GRB10: variants seen among roughly 807,000 people sequenced by gnomAD.
The protein encoded by GRB10 is growth factor receptor-bound protein 10.
GRB10 carries 20 observed loss-of-function variants against 80.9 expected under a neutral mutation model. The observed-to-expected ratio is 0.25, with a 90% CI of 0.17 to 0.36. The LOEUF is 0.36. Among genes scored for constraint, GRB10 ranks in the 10% least tolerant of loss-of-function variants. The probability of loss-of-function intolerance (pLI) is 1.00; values close to 1 mark genes in which losing one functional copy is unlikely to be tolerated. For missense variants in GRB10, 548 were observed against 747.7 expected (o/e 0.73, Z 3.12); for synonymous variants, 291 against 291.5 (o/e 1.00, Z 0.02).
At chr7:50,660,164 G>A (rs889978405) in intron 7 of GRB10, among the ~76,000 whole-genome samples, 2 of 152,178 alleles carry the variant, frequency 1.3e-5, no homozygotes, top group African/African-American at 2.4e-5. Flanking sequence ...GCACAGCTGC[G>A]GTGCCGTGTT....
At chr7:50,688,652 T>C (rs1431768234) in intron 5 of GRB10, among the ~76,000 whole-genome samples, 1 of 151,750 alleles carries the variant, frequency 6.6e-6, no homozygotes, top group Non-Finnish European at 1.5e-5. Context: ...GACTCACTCC[T>C]AGGCCACTGA....
intron 2 of GRB10, among the ~76,000 whole-genome samples, chr7:50,775,433 G>A (rs1331073833): frequency 6.6e-6 from 1 of 152,136 alleles, no homozygotes; most frequent in African/African-American, 2.4e-5. Flanking sequence ...GCTCTCACAG[G>A]TTGCAGTTGG....
chr7:50,785,326 C>A (rs758167584), upstream of GRB10, among the ~76,000 whole-genome samples: 15 of 152,216 alleles, frequency 9.9e-5, no homozygotes, highest in Non-Finnish European at 2.1e-4. Flanking sequence ...AAGATGTGGC[C>A]AAATTGCATG....
intron 2 of GRB10, among the ~76,000 whole-genome samples, chr7:50,762,761 A>C (rs1016956217): frequency 3.9e-5 from 6 of 152,230 alleles, no homozygotes; most frequent in African/African-American, 1.4e-4. Flanking sequence ...TTCTCAACCT[A>C]GAAGCCATGA....
chr7:50,782,000 T>A (rs551460316), intron 1 of GRB10, among the ~76,000 whole-genome samples: 1 of 152,310 alleles, frequency 6.6e-6, no homozygotes, highest in African/African-American at 2.4e-5. Context: ...ATTATGTTTT[T>A]CACAGAAAAA....
At chr7:50,658,447 C>T (rs2237457) in intron 7 of GRB10, among the ~76,000 whole-genome samples, 40,732 of 152,104 alleles carry the variant, frequency 0.27, 6,679 homozygotes, top group East Asian at 0.49. Context: ...GCAAAATAGG[C>T]GGTCTCTGTG....
chr7:50,774,201 G>C lies in GRB10; in HGVS notation c.-217+6426C>G, dbSNP rs189706567. Among the ~76,000 whole-genome samples, 42 of 152,320 alleles carry C rather than the reference G, an allele frequency of 2.8e-4. No homozygotes were observed. In the East Asian group the frequency reaches 7.9e-3, roughly 29 times the overall value. The stretch of plus-strand genomic sequence containing the variant: ...TTCCTTAGGGTTGGGAAAGCAGGGG[G>C]AGCAATGGGATGGCAGGGAGTGGGG... On this transcript the variant is annotated intron_variant, in intron 2 of 18. Transcript: ENST00000401949.
At chr7:50,785,771 CACAA>C (rs758370154), upstream of GRB10, among the ~76,000 whole-genome samples, 82 of 152,310 alleles carry the variant, frequency 5.4e-4, no homozygotes, top group Non-Finnish European at 9.3e-4. Context: ...GTAAGCTGGA[CACAA>C]ACAAACAGAA....
At chr7:50,634,382 T>A (rs1036525739) in intron 7 of GRB10, among the ~76,000 whole-genome samples, 2 of 152,118 alleles carry the variant, frequency 1.3e-5, no homozygotes, top group African/African-American at 4.8e-5. Context: ...TACAAAAAAA[T>A]TCTCAAAGGA....
At chr7:50,598,182 C>T (rs1323244757) in intron 17 of GRB10, among the ~76,000 whole-genome samples, 1 of 152,190 alleles carries the variant, frequency 6.6e-6, no homozygotes, top group Non-Finnish European at 1.5e-5. Context: ...TCTTCTCTTA[C>T]AGGACCATTG....
chr7:50,641,068 C>T (rs1375471556), intron 7 of GRB10, among the ~76,000 whole-genome samples: 1 of 151,906 alleles, frequency 6.6e-6, no homozygotes, highest in African/African-American at 2.4e-5. Context: ...CCAGTGAGCG[C>T]CTACCACCGT....
chr7:50,687,358 A>G (rs914147431), intron 5 of GRB10, among the ~76,000 whole-genome samples: 10 of 152,212 alleles, frequency 6.6e-5, no homozygotes, highest in African/African-American at 2.4e-4. Context: ...GCGACTCCGT[A>G]GGCTCCAGGA....
chr7:50,626,239 C>T (rs2052862884), intron 8 of GRB10, among the ~76,000 whole-genome samples: 1 of 152,216 alleles, frequency 6.6e-6, no homozygotes, highest in Non-Finnish European at 1.5e-5. Flanking sequence ...CATGGGCACA[C>T]ACATATACAC....
rs369167761 is a variant in GRB10 at position 50,671,862 on chromosome 7, G to A, written c.363-1999C>T. Among the ~76,000 whole-genome samples the A allele has an allele frequency of 2.6e-5, 4 of 152,240 alleles. No individual in the cohort carries two copies. In the East Asian group the frequency reaches 5.8e-4, roughly 22 times the overall value. ...GACATCGCCTAAGGCAAGACTAAGG[G>A]ATATCACACAAAGACAAAAAATCCC... On this transcript the variant is annotated intron_variant, in intron 6 of 18. Coordinates refer to ENST00000401949, the MANE Select transcript of GRB10 (RefSeq NM_001350814.2).
chr7:50,640,340 G>A lies in GRB10; in HGVS notation c.505-13362C>T, dbSNP rs746247288. Among the ~76,000 whole-genome samples, 14 of 152,334 alleles carry A rather than the reference G, an allele frequency of 9.2e-5. No homozygotes were observed. The East Asian group carries it at 1.7e-3, about 19-fold the overall frequency. ...GGTCATGACAGAGGCAGGTCCAGCA[G>A]GCACAGAAGGACATGTTGGAGGAAT... On this transcript the variant is annotated intron_variant, in intron 7 of 18. Coordinates refer to ENST00000401949, the MANE Select transcript of GRB10 (RefSeq NM_001350814.2).
intron 13 of GRB10, among the ~76,000 whole-genome samples, chr7:50,612,306 T>C (rs940427119): frequency 2.0e-5 from 3 of 152,226 alleles, no homozygotes; most frequent in African/African-American, 4.8e-5. Flanking sequence ...TCTAATCTAG[T>C]GGTCTCAACC....
chr7:50,785,534 C>T (rs1397033766), upstream of GRB10, among the ~76,000 whole-genome samples: 2 of 152,256 alleles, frequency 1.3e-5, no homozygotes, highest in African/African-American at 2.4e-5. Context: ...GAGATACATC[C>T]TCCACCCCAA....
intron 3 of GRB10, among the ~76,000 whole-genome samples, chr7:50,738,590 A>G (rs1004524208): frequency 3.9e-5 from 6 of 152,328 alleles, no homozygotes; most frequent in Middle Eastern, 3.4e-3. Context: ...AGAGGAGTTC[A>G]CCACCATGCC....
At chr7:50,676,045 C>T (rs993641413) in intron 5 of GRB10, among the ~76,000 whole-genome samples, 3 of 152,152 alleles carry the variant, frequency 2.0e-5, no homozygotes, top group African/African-American at 7.2e-5. Context: ...TTAGATTTTT[C>T]GCTTTTTGAC....
Sources: gnomAD v4.1 joint callset for allele counts (sites outside exome capture counted in the v4.1 genomes callset) on GRCh38, gnomAD v4.1.1 for gene constraint, MANE v1.5 for transcripts, NCBI Gene and HGNC (gene_info 2026-07-23, HGNC 2026-07-21) for gene names.